ARID1B: variants seen among roughly 807,000 people sequenced by gnomAD.
The protein encoded by ARID1B is AT-rich interactive domain-containing protein 1B.
ARID1B carries 30 observed loss-of-function variants against 212.3 expected under a neutral mutation model. The observed-to-expected ratio is 0.14, with a 90% CI of 0.11 to 0.19. ARID1B has a LOEUF of 0.19. Among genes scored for constraint, ARID1B ranks in the 10% least tolerant of loss-of-function variants. ARID1B has a pLI of 1.00. For missense variants in ARID1B, 2,891 were observed against 3,204.0 expected, an observed-to-expected ratio of 0.90 and a Z score of 2.36; for synonymous variants, 1,402 against 1,301.7, an observed-to-expected ratio of 1.08 and a Z score of -1.66.
At chr6:156,796,479 T>G (rs1303568310) in intron 1 of ARID1B, among the ~76,000 whole-genome samples, 3 of 151,808 alleles carry the variant, frequency 2.0e-5, no homozygotes, top group African/African-American at 7.3e-5. Context: ...TCTCTGTCAT[T>G]ATGATGAAAG....
At chr6:157,097,845 G>C (rs762833956) in intron 5 of ARID1B, among the ~76,000 whole-genome samples, 1 of 152,066 alleles carries the variant, frequency 6.6e-6, no homozygotes, top group Non-Finnish European at 1.5e-5. Context: ...ACTGCTAATC[G>C]GATCCATGCT....
At position 156,864,210 on chromosome 6, in the gene ARID1B, A is replaced by T. The variant is rs185372555; in HGVS notation, c.1986+34789A>T. ...AAAGTAATTGAATGGACTGCAGGGT[A>T]TACTGGGAATTGTAGTTTTCCACTT... On this transcript the variant is annotated intron_variant, in intron 2 of 19. Coordinates refer to ENST00000636930, the MANE Select transcript of ARID1B (RefSeq NM_001374828.1). Among the ~76,000 whole-genome samples the T allele has an allele frequency of 1.5e-4, 23 of 152,304 alleles. No homozygotes were observed. In the East Asian group the frequency reaches 3.7e-3, roughly 24 times the overall value.
chr6:156,998,284 G>C (rs994992015), intron 4 of ARID1B, among the ~76,000 whole-genome samples: 2 of 150,694 alleles, frequency 1.3e-5, no homozygotes, highest in African/African-American at 2.4e-5. Context: ...GCAGTGGCGC[G>C]ATCTTGGCTC....
At chr6:156,863,265 G>T (rs764021368) in intron 2 of ARID1B, among the ~76,000 whole-genome samples, 145 of 152,236 alleles carry the variant, frequency 9.5e-4, no homozygotes, top group Admixed American at 2.7e-3. Context: ...GTGGGTAATA[G>T]AGATGAGAAG....
intron 6 of ARID1B, among the ~76,000 whole-genome samples, chr6:157,130,338 TG>T (rs1265427829): frequency 6.6e-6 from 1 of 152,196 alleles, no homozygotes; most frequent in African/African-American, 2.4e-5. Context: ...GAGACCCACA[TG>T]ATCTCTATGA....
intron 2 of ARID1B, among the ~76,000 whole-genome samples, chr6:156,857,168 AC>A: frequency 6.6e-6 from 1 of 152,340 alleles, no homozygotes; most frequent in East Asian, 1.9e-4. Context: ...CAAAAGTATT[AC>A]CATTTTCCAG....
At chr6:156,851,836 A>T (rs287923) in intron 2 of ARID1B, among the ~76,000 whole-genome samples, 2 of 152,152 alleles carry the variant, frequency 1.3e-5, no homozygotes, top group Non-Finnish European at 2.9e-5. Context: ...AGGCTTGAAT[A>T]TAGCTAGCTA....
At chr6:156,864,668 T>C (rs553560307) in intron 2 of ARID1B, among the ~76,000 whole-genome samples, 81 of 152,284 alleles carry the variant, frequency 5.3e-4, no homozygotes, top group Admixed American at 2.0e-3. Context: ...TAGAATCACA[T>C]TCTTACATTG....
At chr6:157,118,092 A>G (rs1787448718) in intron 6 of ARID1B, among the ~76,000 whole-genome samples, 1 of 152,232 alleles carries the variant, frequency 6.6e-6, no homozygotes. Flanking sequence ...TATTTATACC[A>G]AAAGTTATTT....
chr6:156,975,365 TTTATA>T (rs1177568042), intron 4 of ARID1B, among the ~76,000 whole-genome samples: 2 of 152,230 alleles, frequency 1.3e-5, no homozygotes, highest in Non-Finnish European at 2.9e-5. Flanking sequence ...TTAAGGGTTC[TTTATA>T]TATCATGGAT....
chr6:156,827,000 G>A (rs1434723249), intron 1 of ARID1B, among the ~76,000 whole-genome samples: 1 of 152,162 alleles, frequency 6.6e-6, no homozygotes, highest in African/African-American at 2.4e-5. Context: ...AAGTTCATGG[G>A]TTTTATTGCT....
At chr6:157,040,129 G>A (rs1011429948) in intron 4 of ARID1B, among the ~76,000 whole-genome samples, 2 of 151,980 alleles carry the variant, frequency 1.3e-5, no homozygotes, top group Non-Finnish European at 2.9e-5. Context: ...TAGTAGAGAC[G>A]GGGTTTCACC....
At chr6:157,020,554 C>T (rs1310974213) in intron 4 of ARID1B, among the ~76,000 whole-genome samples, 2 of 152,068 alleles carry the variant, frequency 1.3e-5, no homozygotes, top group African/African-American at 4.8e-5. Context: ...CTTTCTGATG[C>T]TGTTGGAGCT....
At chr6:156,873,892 G>A (rs897699173) in intron 2 of ARID1B, among the ~76,000 whole-genome samples, 35 of 152,086 alleles carry the variant, frequency 2.3e-4, no homozygotes, top group Admixed American at 1.8e-3. Flanking sequence ...GTCAGCACCC[G>A]CCAAAGCATT....
At chr6:157,192,993 C>G (rs1387330969) in intron 15 of ARID1B, among the ~76,000 whole-genome samples, 1 of 152,206 alleles carries the variant, frequency 6.6e-6, no homozygotes, top group Non-Finnish European at 1.5e-5. Context: ...TGGTCAGAGT[C>G]TGATCTAATA....
chr6:157,160,760 C>T (rs944898440), intron 8 of ARID1B, among the ~76,000 whole-genome samples: 1 of 152,232 alleles, frequency 6.6e-6, no homozygotes, highest in Non-Finnish European at 1.5e-5. Flanking sequence ...TGGAGAGGGC[C>T]TCCTGGATGC....
chr6:157,169,893 T>G (rs1214901792), intron 9 of ARID1B: 1 of 152,162 alleles, frequency 6.6e-6, no homozygotes, highest in Non-Finnish European at 1.5e-5. Flanking sequence ...CTGGGCACAT[T>G]CCAGAAGTGA....
chr6:156,848,059 G>C (rs1562432271), intron 2 of ARID1B, among the ~76,000 whole-genome samples: 1 of 152,190 alleles, frequency 6.6e-6, no homozygotes, highest in Non-Finnish European at 1.5e-5. Flanking sequence ...AGATGCAGTG[G>C]TGCTCATTTA....
chr6:157,137,934 A>G (rs1162282750), intron 7 of ARID1B, among the ~76,000 whole-genome samples: 1 of 152,236 alleles, frequency 6.6e-6, no homozygotes, highest in East Asian at 1.9e-4. Flanking sequence ...ATTAGATGCC[A>G]TCTAGAAATT....
Sources: gnomAD v4.1 joint callset for allele counts (sites outside exome capture counted in the v4.1 genomes callset) on GRCh38, gnomAD v4.1.1 for gene constraint, MANE v1.5 for transcripts, NCBI Gene and HGNC (gene_info 2026-07-23, HGNC 2026-07-21) for gene names.